The following ACTN4 variants were observed in gnomAD, a reference collection of about 807,000 sequenced individuals.
The protein encoded by ACTN4 is actinin alpha 4, also known as alpha-actinin-4.
Under a neutral mutation model 114.2 loss-of-function variants are expected in ACTN4, and 18 were observed. That is an observed-to-expected ratio of 0.16 (90% CI 0.11 to 0.23). The LOEUF is 0.23. ACTN4 is among the 10% of genes least tolerant of loss of function. The pLI is 1.00. For missense variants in ACTN4, 722 were observed against 1,262.9 expected (o/e 0.57, Z 6.49); for synonymous variants, 515 against 506.3 (o/e 1.02, Z -0.23).
Position 38,724,628 on chromosome 19 carries a change from G to C in ACTN4, c.2010+63G>C. On this transcript the variant is annotated intron_variant, in intron 16 of 20. Transcript: ENST00000252699. The surrounding 1 kb of genome is among the most constrained non-coding windows in gnomAD (Gnocchi z 7.0). ...CCAAGAGAGCTCCCGTAGTGAGGGG[G>C]TCCCCGGCCAGCCCAGGGCCTGCAG... 1.2e-6 allele frequency: 2 copies of C among 1,608,630 alleles called. No homozygotes were observed. The highest frequency in any genetic ancestry group is 1.7e-6 in the Non-Finnish European group (2 of 1,179,664).
In ACTN4 at chr19:38,729,657, T is replaced by C. The variant is rs1269123320; in HGVS notation, c.*225T>C. ...TGGGGAGACTTGGGGCCAGCGCTTC[T>C]GGTCTGGTAAATATGTATGATGTGT... On this transcript the variant is annotated 3_prime_UTR_variant, in exon 21 of 21. Transcript: ENST00000252699. The C allele has an allele frequency of 1.4e-6, 1 of 718,864 alleles. No homozygotes were observed. The highest frequency in any genetic ancestry group is 2.5e-6 in the Non-Finnish European group (1 of 403,192). The allele number at this position is 718,864 out of a possible 1,614,324, so 44.5% of individuals were successfully genotyped here.
Position 38,717,401 on chromosome 19 carries a change from C to T in ACTN4, c.1143+85C>T. 2 of 1,522,954 alleles carry T rather than the reference C, an allele frequency of 1.3e-6. No individual in the cohort carries two copies. The allele number at this position is 1,522,954 out of a possible 1,614,324, so 94.3% of individuals were successfully genotyped here. On this transcript the variant is annotated intron_variant, in intron 10 of 20. Coordinates refer to ENST00000252699, the MANE Select transcript of ACTN4 (RefSeq NM_004924.6). This position sits in a 1 kb window ranked among gnomAD's most constrained non-coding sequence, Gnocchi z 4.0. Reference sequence around the variant, plus strand: ...CTGTGGGCAGTTTGGCCAGCGTAATCTTTCCTAAGTTGTTGATGTCCTGTG... The same window carrying T: ...CTGTGGGCAGTTTGGCCAGCGTAATTTTTCCTAAGTTGTTGATGTCCTGTG...
intron 1 of ACTN4, among the ~76,000 whole-genome samples, chr19:38,693,105 C>T (rs149860084): frequency 2.6e-5 from 4 of 152,262 alleles, no homozygotes; most frequent in Non-Finnish European, 4.4e-5. Flanking sequence ...GCAGTGTACA[C>T]GGCAGAAGAG....
intron 1 of ACTN4, among the ~76,000 whole-genome samples, chr19:38,660,345 C>T (rs181185138): frequency 1.3e-5 from 2 of 152,028 alleles, no homozygotes; most frequent in Admixed American, 1.3e-4. Context: ...AGCATTTTAC[C>T]TTGTGCTAGA....
chr19:38,704,527 G>A (rs35436155), intron 3 of ACTN4, among the ~76,000 whole-genome samples: 8,620 of 152,348 alleles, frequency 0.057, 259 homozygotes, highest in South Asian at 0.097. Flanking sequence ...GTGGGGGCCC[G>A]GGGTGCCCCC....
rs577141157 is a variant in ACTN4 at position 38,659,065 on chromosome 19, C to CTTTTTTTTTTTTTTTTTTTTT, written c.162+11171_162+11172insTTTTTTTTTTTTTTTTTTTTT. Among the ~76,000 whole-genome samples the CTTTTTTTTTTTTTTTTTTTTT allele has an allele frequency of 7.3e-4, 81 of 111,676 alleles. 5 individuals carry two copies. The highest frequency in any genetic ancestry group is 1.3e-3 in the East Asian group (5 of 3,948). The allele number at this position is 111,676 out of a possible 152,430, so 73.3% of individuals were successfully genotyped here. On this transcript the variant is annotated intron_variant, in intron 1 of 20. Coordinates refer to ENST00000252699, the MANE Select transcript of ACTN4 (RefSeq NM_004924.6). Reference sequence around the variant, plus strand: ...TAACTTTTTTTTCTTCTTTTCTTTTCTTTTTTTTTTTTTGAGACGGAGTCT... The same window carrying CTTTTTTTTTTTTTTTTTTTTT: ...TAACTTTTTTTTCTTCTTTTCTTTTCTTTTTTTTTTTTTTTTTTTTTTTTTTTTTTTTTTGAGACGGAGTCT...
At chr19:38,728,887 G>C in intron 19 of ACTN4, 109 bp from the exon 20 acceptor site, 1 of 1,415,570 alleles carries the variant, frequency 7.1e-7, no homozygotes, top group Non-Finnish European at 9.9e-7. Flanking sequence ...GCACACGTGG[G>C]TTGGGCCCTA....
intron 1 of ACTN4, among the ~76,000 whole-genome samples, chr19:38,670,780 G>A (rs1289314652): frequency 6.6e-6 from 1 of 152,016 alleles, no homozygotes; most frequent in Non-Finnish European, 1.5e-5. Flanking sequence ...AAAATTAGCT[G>A]AGCGTGGTGG....
chr19:38,730,165 TA>T lies in ACTN4; in HGVS notation c.*739del, dbSNP rs1241386190. On this transcript the variant is annotated 3_prime_UTR_variant, in exon 21 of 21. Transcript: ENST00000252699. ...AAAAATCACAAAAACAAAAAAACTA[TA>T]AAAAAGAAAGAATTAAAAACTTTCA... 3 of 145,324 alleles carry T rather than the reference TA, an allele frequency of 2.1e-5. No homozygotes were observed. Among genetic ancestry groups the T allele is most frequent in the African/African-American group, 5.3e-5 (2 of 37,826 alleles). 9.0% of individuals were successfully genotyped at this position (145,324 alleles called of 1,614,324 possible).
chr19:38,663,825 G>A (rs1348986548), intron 1 of ACTN4, among the ~76,000 whole-genome samples: 2 of 152,226 alleles, frequency 1.3e-5, no homozygotes, highest in East Asian at 3.8e-4. Flanking sequence ...TCCTGTCACT[G>A]TCACAGATAT....
intron 1 of ACTN4, among the ~76,000 whole-genome samples, chr19:38,684,837 T>C (rs2144935348): frequency 6.6e-6 from 1 of 152,282 alleles, no homozygotes; most frequent in Non-Finnish European, 1.5e-5. Flanking sequence ...GCTAATGTTG[T>C]CTGTCTCATG....
In ACTN4 at chr19:38,730,749, A is replaced by C; in HGVS notation, c.*1317A>C. 1 of 1,410,774 alleles carries C rather than the reference A, an allele frequency of 7.1e-7. No individual in the cohort carries two copies. The highest frequency in any genetic ancestry group is 9.7e-7 in the Non-Finnish European group (1 of 1,026,766). 87.4% of individuals were successfully genotyped at this position (1,410,774 alleles called of 1,614,324 possible). ...TGAGGGCCAGAGACTAGCCCCAGACAGGTGGATGCCAGAGAGAGTGGCACC... is the reference window on the plus strand; with the variant it reads ...TGAGGGCCAGAGACTAGCCCCAGACCGGTGGATGCCAGAGAGAGTGGCACC... On this transcript the variant is annotated 3_prime_UTR_variant, in exon 21 of 21. Transcript: ENST00000252699.
chr19:38,707,831 G>A (rs554293989), intron 5 of ACTN4, among the ~76,000 whole-genome samples: 2 of 152,216 alleles, frequency 1.3e-5, no homozygotes, highest in East Asian at 3.8e-4. Context: ...ACAGCCCTAT[G>A]TAGCAGGTAT....
chr19:38,723,506 A>G lies in ACTN4; in HGVS notation c.1443-108A>G, dbSNP rs551127241. On this transcript the variant is annotated intron_variant, in intron 12 of 20. Coordinates refer to ENST00000252699, the MANE Select transcript of ACTN4 (RefSeq NM_004924.6). The stretch of plus-strand genomic sequence containing the variant: ...AGTGATTGGTTGCTGATATCCTGGA[A>G]TGTTGACTGCCCCAACACCCTGGCC... 636 of 797,878 alleles carry G rather than the reference A, an allele frequency of 8.0e-4. 4 individuals carry two copies. The African/African-American group carries it at 0.01, about 13-fold the overall frequency. 49.4% of individuals were successfully genotyped at this position (797,878 alleles called of 1,614,324 possible). A position where few individuals can be genotyped will look rare whatever the true frequency, so the allele number is the denominator to read the frequency against.
intron 1 of ACTN4, among the ~76,000 whole-genome samples, chr19:38,694,512 G>A (rs1409964386): frequency 1.3e-5 from 2 of 151,954 alleles, no homozygotes; most frequent in African/African-American, 2.4e-5. Flanking sequence ...CGCCCGCCTC[G>A]GCCTCCCAAA....
In ACTN4 at chr19:38,723,603, C is replaced by T. The variant is rs1410191865; in HGVS notation, c.1443-11C>T. On this transcript the variant is annotated splice_polypyrimidine_tract_variant and intron_variant, in intron 12 of 20. Transcript: ENST00000252699. ...CTTGCCGAGTCTCATTGCTCTCTGC[C>T]CGGCCCGCAGCGAGCTGGATTACTA... 2 of 1,596,714 alleles carry T rather than the reference C, an allele frequency of 1.3e-6. No homozygotes were observed. The highest frequency in any genetic ancestry group is 1.7e-6 in the Non-Finnish European group (2 of 1,168,918).
At chr19:38,655,933 G>GA (rs1387087017) in intron 1 of ACTN4, among the ~76,000 whole-genome samples, 1 of 152,130 alleles carries the variant, frequency 6.6e-6, no homozygotes, top group Non-Finnish European at 1.5e-5. Context: ...AGGAAATAAT[G>GA]ACAAAAATAT....
chr19:38,729,709 A>G lies in ACTN4; in HGVS notation c.*277A>G, dbSNP rs1481413673. On this transcript the variant is annotated 3_prime_UTR_variant, in exon 21 of 21. Transcript: ENST00000252699. The stretch of plus-strand genomic sequence containing the variant: ...GTGCTTTTTTAACCAAGGAGGGGCC[A>G]GTGGATTCCCACAGCACAACCGGTC... 3.2e-6 allele frequency: 2 copies of G among 633,054 alleles called. No homozygotes were observed. Among genetic ancestry groups the G allele is most frequent in the Admixed American group, 2.1e-5 (1 of 47,632 alleles). 39.2% of individuals were successfully genotyped at this position (633,054 alleles called of 1,614,324 possible).
chr19:38,712,899 C>T (rs555256428), intron 8 of ACTN4, among the ~76,000 whole-genome samples: 2 of 152,254 alleles, frequency 1.3e-5, no homozygotes, highest in African/African-American at 4.8e-5. Context: ...GGCAGGCAAG[C>T]CCAGGACAGT....
Sources: gnomAD v4.1 joint callset for allele counts (sites outside exome capture counted in the v4.1 genomes callset) on GRCh38, gnomAD v4.1.1 for gene constraint, Gnocchi (gnomAD v3.1) non-coding constraint, MANE v1.5 for transcripts, NCBI Gene and HGNC (gene_info 2026-07-23, HGNC 2026-07-21) for gene names.